Variants in SHISAL1 observed in about 807,000 individuals in gnomAD.
SHISAL1 encodes the protein protein shisa-like-1.
In SHISAL1, 9 loss-of-function variants were observed where a neutral mutation model predicts 22.6. That is an observed-to-expected ratio of 0.40 (90% CI 0.24 to 0.70). SHISAL1 has a LOEUF of 0.70. Ranked by LOEUF, SHISAL1 falls within the 30% of genes least tolerant of loss-of-function variation. SHISAL1 has a pLI of 0.39. For missense variants in SHISAL1, 246 were observed against 270.6 expected, an observed-to-expected ratio of 0.91 and a Z score of 0.64; for synonymous variants, 119 against 115.4, an observed-to-expected ratio of 1.03 and a Z score of -0.20.
At chr22:44,273,526 C>T (rs1162949331) in intron 4 of SHISAL1, among the ~76,000 whole-genome samples, 2 of 152,222 alleles carry the variant, frequency 1.3e-5, no homozygotes, top group Non-Finnish European at 2.9e-5. Flanking sequence ...CTGTGTTTAA[C>T]AACAGGCTCC....
At chr22:44,251,899 CG>C (rs1569206202) in intron 4 of SHISAL1, among the ~76,000 whole-genome samples, 1 of 151,948 alleles carries the variant, frequency 6.6e-6, no homozygotes, top group African/African-American at 2.4e-5. Flanking sequence ...GCCCCTGAAC[CG>C]TATACTTAAA....
chr22:44,248,519 A>C lies in SHISAL1; in HGVS notation c.*1166T>G, dbSNP rs1045732804. 1 of 152,122 alleles carries C rather than the reference A, an allele frequency of 6.6e-6. No homozygotes were observed. The highest frequency in any genetic ancestry group is 1.5e-5 in the Non-Finnish European group (1 of 68,026). The allele number at this position is 152,122 out of a possible 1,614,324, so 9.4% of individuals were successfully genotyped here. On this transcript the variant is annotated 3_prime_UTR_variant, in exon 5 of 5. Transcript: ENST00000381176. ...TGGATGTTACGGGCATGGAAGTCCT[A>C]CTTGAAAGTGGATGGATTTCTAGAA...
At chr22:44,259,433 G>A (rs1418150154) in intron 4 of SHISAL1, among the ~76,000 whole-genome samples, 7 of 150,096 alleles carry the variant, frequency 4.7e-5, no homozygotes, top group African/African-American at 1.7e-4. Context: ...GCAAGACTCT[G>A]TCTAAAAATA....
intron 3 of SHISAL1, among the ~76,000 whole-genome samples, chr22:44,293,352 T>C (rs2055365780): frequency 6.6e-6 from 1 of 152,130 alleles, no homozygotes; most frequent in African/African-American, 2.4e-5. Flanking sequence ...GCAGCTTAAC[T>C]GGAGATGATT....
intron 4 of SHISAL1, among the ~76,000 whole-genome samples, chr22:44,269,986 C>T (rs1167127734): frequency 6.6e-6 from 1 of 152,212 alleles, no homozygotes; most frequent in African/African-American, 2.4e-5. Flanking sequence ...ACATCCAATT[C>T]CTTTGTGGGT....
chr22:44,288,140 A>C (rs2055329021), intron 3 of SHISAL1, among the ~76,000 whole-genome samples: 1 of 152,212 alleles, frequency 6.6e-6, no homozygotes, highest in Non-Finnish European at 1.5e-5. Context: ...CAACCACGGG[A>C]GGAAACAGCT....
chr22:44,318,509 G>C, the SHISAL1 span, among the ~76,000 whole-genome samples: 1 of 152,346 alleles, frequency 6.6e-6, no homozygotes, highest in Admixed American at 6.5e-5. Flanking sequence ...AGGACGTGCA[G>C]GCTGGCCTGG....
intron 4 of SHISAL1, among the ~76,000 whole-genome samples, chr22:44,282,514 G>A (rs1215373190): frequency 6.6e-6 from 1 of 152,232 alleles, no homozygotes; most frequent in East Asian, 1.9e-4. Context: ...CTCAGGGGAT[G>A]TGGGTGTGTC....
In SHISAL1 at chr22:44,244,717, G is replaced by A. The variant is rs1354614806; in HGVS notation, c.*4968C>T. The A allele has an allele frequency of 6.6e-6, 1 of 152,182 alleles. No individual in the cohort carries two copies. Among genetic ancestry groups the A allele is most frequent in the Non-Finnish European group, 1.5e-5 (1 of 68,032 alleles). The allele number at this position is 152,182 out of a possible 1,614,324, so 9.4% of individuals were successfully genotyped here. A position where few individuals can be genotyped will look rare whatever the true frequency, so the allele number is the denominator to read the frequency against. The stretch of plus-strand genomic sequence containing the variant: ...AAGTGGTCCCAGCTATAGCAGGAAT[G>A]GCTCCCAGATGGGCCCTGGGTACAG... On this transcript the variant is annotated 3_prime_UTR_variant, in exon 5 of 5. Coordinates refer to ENST00000381176, the MANE Select transcript of SHISAL1 (RefSeq NM_001099294.2).
chr22:44,284,543 T>C (rs73430797), intron 4 of SHISAL1, among the ~76,000 whole-genome samples: 4,835 of 152,218 alleles, frequency 0.032, 273 homozygotes, highest in African/African-American at 0.11. Context: ...ATGATGTCCC[T>C]GGATGACGTG....
chr22:44,326,716 G>T, the SHISAL1 span, among the ~76,000 whole-genome samples: 2 of 152,166 alleles, frequency 1.3e-5, no homozygotes, highest in Admixed American at 1.3e-4. Context: ...AGGGGAAGGA[G>T]AGCAGGCTGG....
At chr22:44,286,084 T>A (rs1178795382) in intron 3 of SHISAL1, among the ~76,000 whole-genome samples, 1 of 152,188 alleles carries the variant, frequency 6.6e-6, no homozygotes, top group Non-Finnish European at 1.5e-5. Context: ...GGCAGCCTCT[T>A]CCTTTACCTG....
At chr22:44,254,991 C>G (rs2055074370) in intron 4 of SHISAL1, among the ~76,000 whole-genome samples, 1 of 152,146 alleles carries the variant, frequency 6.6e-6, no homozygotes, top group Admixed American at 6.6e-5. Flanking sequence ...CTCATCCTCC[C>G]AGCAGCACTG....
intron 3 of SHISAL1, among the ~76,000 whole-genome samples, chr22:44,288,479 T>TA (rs1027595954): frequency 3.5e-4 from 51 of 145,752 alleles, no homozygotes; most frequent in East Asian, 2.2e-3. Flanking sequence ...TACTAAAAAT[T>TA]AAAAAAAAAA....
At chr22:44,278,957 A>G (rs2055258564) in intron 4 of SHISAL1, among the ~76,000 whole-genome samples, 1 of 152,034 alleles carries the variant, frequency 6.6e-6, no homozygotes, top group Non-Finnish European at 1.5e-5. Context: ...ACCTCTCATC[A>G]CCATCATTGT....
the SHISAL1 span, among the ~76,000 whole-genome samples, chr22:44,327,332 G>T: frequency 2.0e-5 from 3 of 151,984 alleles, no homozygotes; most frequent in African/African-American, 7.3e-5. Context: ...GCTTTCAGAG[G>T]CACTGTGTCC....
the SHISAL1 span, among the ~76,000 whole-genome samples, chr22:44,330,703 A>G: frequency 6.6e-6 from 1 of 152,080 alleles, no homozygotes; most frequent in Non-Finnish European, 1.5e-5. Context: ...ACTAATACTA[A>G]TAATGATAAT....
chr22:44,252,289 G>C (rs1458666461), intron 4 of SHISAL1, among the ~76,000 whole-genome samples: 1 of 151,966 alleles, frequency 6.6e-6, no homozygotes, highest in Non-Finnish European at 1.5e-5. Context: ...AAAATAACTT[G>C]ATAGCAGGGA....
chr22:44,323,681 A>T, the SHISAL1 span, among the ~76,000 whole-genome samples: 3,646 of 150,458 alleles, frequency 0.024, 186 homozygotes, highest in African/African-American at 0.085. Context: ...CCATCCATCC[A>T]TCCATCCATC....
Sources: gnomAD v4.1 joint callset for allele counts (sites outside exome capture counted in the v4.1 genomes callset) on GRCh38, gnomAD v4.1.1 for gene constraint, MANE v1.5 for transcripts, NCBI Gene and HGNC (gene_info 2026-07-23, HGNC 2026-07-21) for gene names.